CADM1: variants seen among roughly 807,000 people sequenced by gnomAD.
CADM1 encodes cell adhesion molecule 1.
In CADM1, 15 loss-of-function variants were observed where a neutral mutation model predicts 53.1. That is an observed-to-expected ratio of 0.28 (90% CI 0.19 to 0.44). The LOEUF (loss-of-function observed/expected upper bound fraction) is 0.44, where lower values mean the gene tolerates loss of function less well. Ranked by LOEUF, CADM1 falls within the 20% of genes least tolerant of loss-of-function variation. The pLI is 1.00. For synonymous variants in CADM1, 281 were observed against 243.0 expected, an observed-to-expected ratio of 1.16 and a Z score of -1.45; for missense variants, 434 against 611.3, an observed-to-expected ratio of 0.71 and a Z score of 3.06.
chr11:115,341,249 C>T (rs543598879), intron 1 of CADM1, among the ~76,000 whole-genome samples: 4 of 152,114 alleles, frequency 2.6e-5, no homozygotes, highest in South Asian at 2.1e-4. Flanking sequence ...TTTCTGTTGC[C>T]GGCACTAAGT....
At chr11:115,248,804 G>A (rs1002707107) in intron 1 of CADM1, among the ~76,000 whole-genome samples, 6 of 152,126 alleles carry the variant, frequency 3.9e-5, no homozygotes, top group Non-Finnish European at 5.9e-5. Flanking sequence ...GAAAAAAATC[G>A]AGCCCCCAAA....
chr11:115,231,072 T>C (rs555928358), intron 4 of CADM1, among the ~76,000 whole-genome samples: 1 of 152,338 alleles, frequency 6.6e-6, no homozygotes, highest in East Asian at 1.9e-4. Context: ...AAATTTTTCC[T>C]AGCCTAAAGA....
In CADM1 at chr11:115,175,108, A is replaced by G. The variant is rs1356536253; in HGVS notation, c.*1366T>C. 6.1e-6 allele frequency: 6 copies of G among 985,638 alleles called. No homozygotes were observed. The highest frequency in any genetic ancestry group is 7.2e-6 in the Non-Finnish European group (6 of 829,934). The allele number at this position is 985,638 out of a possible 1,614,324, so 61.1% of individuals were successfully genotyped here. On this transcript the variant is annotated 3_prime_UTR_variant, in exon 12 of 12. Transcript: ENST00000331581. Reference sequence around the variant, plus strand: ...GTATGAAAGGTAAAAAGATAAAAACACTCACATTTGAGTTTTGATTAAGTA... The same window carrying G: ...GTATGAAAGGTAAAAAGATAAAAACGCTCACATTTGAGTTTTGATTAAGTA...
chr11:115,475,476 C>T (rs1224529854), intron 1 of CADM1, among the ~76,000 whole-genome samples: 1 of 152,152 alleles, frequency 6.6e-6, no homozygotes, highest in Non-Finnish European at 1.5e-5. Flanking sequence ...CACCCAGATA[C>T]ATAGCCACAT....
At chr11:115,205,136 G>T (rs1350024270) in intron 8 of CADM1, among the ~76,000 whole-genome samples, 1 of 152,042 alleles carries the variant, frequency 6.6e-6, no homozygotes, top group African/African-American at 2.4e-5. Context: ...CCTCCAGGTT[G>T]AACTCCTCCC....
chr11:115,205,025 G>A (rs1940611204), intron 8 of CADM1, among the ~76,000 whole-genome samples: 1 of 152,110 alleles, frequency 6.6e-6, no homozygotes, highest in Non-Finnish European at 1.5e-5. Flanking sequence ...CTTATGAAAG[G>A]ATTTTTTAAT....
At chr11:115,381,659 A>G (rs1002806997) in intron 1 of CADM1, among the ~76,000 whole-genome samples, 1 of 152,166 alleles carries the variant, frequency 6.6e-6, no homozygotes, top group Non-Finnish European at 1.5e-5. Flanking sequence ...AAGAGAAACC[A>G]TATGTAAACT....
In CADM1 at chr11:115,176,237, G is replaced by A. The variant is rs182085717; in HGVS notation, c.*237C>T. 71 of 1,271,554 alleles carry A rather than the reference G, an allele frequency of 5.6e-5. No homozygotes were observed. The African/African-American group carries it at 9.0e-4, about 16-fold the overall frequency. The allele number at this position is 1,271,554 out of a possible 1,614,324, so 78.8% of individuals were successfully genotyped here. A position where few individuals can be genotyped will look rare whatever the true frequency, so the allele number is the denominator to read the frequency against. On this transcript the variant is annotated 3_prime_UTR_variant, in exon 12 of 12. Transcript: ENST00000331581. ...CCAAGTATCCAAGTTTGACTTGGTA[G>A]GAAGAAATAAAAATTAAACAAACAA...
At chr11:115,256,942 T>C in intron 1 of CADM1, 2 of 455,396 alleles carry the variant, frequency 4.4e-6, no homozygotes, top group Non-Finnish European at 8.8e-6. Flanking sequence ...TTTTGGTCTC[T>C]TAAAAAAGTC....
At chr11:115,227,389 G>T (rs1382508785) in intron 5 of CADM1, among the ~76,000 whole-genome samples, 2 of 152,086 alleles carry the variant, frequency 1.3e-5, no homozygotes, top group South Asian at 2.1e-4. Context: ...TTGGTAGGTG[G>T]GTGGGACTAT....
chr11:115,501,850 C>T (rs529780807), intron 1 of CADM1, among the ~76,000 whole-genome samples: 1 of 152,220 alleles, frequency 6.6e-6, no homozygotes, highest in Admixed American at 6.5e-5. Context: ...GAAATTTACC[C>T]CTGGGGTATG....
In CADM1 at chr11:115,173,630, T is replaced by G; in HGVS notation, c.*2844A>C. The G allele has an allele frequency of 3.2e-6, 1 of 313,248 alleles. No homozygotes were observed. Among genetic ancestry groups the G allele is most frequent in the South Asian group, 1.3e-4 (1 of 7,528 alleles). The allele number at this position is 313,248 out of a possible 1,614,324, so 19.4% of individuals were successfully genotyped here. A position where few individuals can be genotyped will look rare whatever the true frequency, so the allele number is the denominator to read the frequency against. ...TCCATAAAGAGATTAAAGGATCACT[T>G]TGTAACATTAATTTTTTTTTATTAA... On this transcript the variant is annotated 3_prime_UTR_variant, in exon 12 of 12. Coordinates refer to ENST00000331581, the MANE Select transcript of CADM1 (RefSeq NM_001301043.2).
chr11:115,248,674 G>A (rs909913815), intron 1 of CADM1, among the ~76,000 whole-genome samples: 7 of 152,160 alleles, frequency 4.6e-5, no homozygotes, highest in African/African-American at 1.7e-4. Context: ...TTCATAGCTG[G>A]ATAGGTTGCA....
At chr11:115,338,892 A>ATTTTTTTTTTTTTTTTT in intron 1 of CADM1, among the ~76,000 whole-genome samples, 1 of 132,734 alleles carries the variant, frequency 7.5e-6, no homozygotes, top group Non-Finnish European at 1.6e-5. Flanking sequence ...TTTTTTTTTA[A>ATTTTTTTTTTTTTTTTT]TTTTTTTTTT....
At chr11:115,438,205 C>T (rs1452784444) in intron 1 of CADM1, among the ~76,000 whole-genome samples, 1 of 152,110 alleles carries the variant, frequency 6.6e-6, no homozygotes, top group Non-Finnish European at 1.5e-5. Flanking sequence ...TATATCTGTG[C>T]CTTTAGTTCA....
At chr11:115,389,308 G>A (rs1946776539) in intron 1 of CADM1, among the ~76,000 whole-genome samples, 1 of 152,078 alleles carries the variant, frequency 6.6e-6, no homozygotes, top group Non-Finnish European at 1.5e-5. Flanking sequence ...AACAACAACA[G>A]ACAAACAAAA....
At chr11:115,458,952 C>T (rs373379590) in intron 1 of CADM1, among the ~76,000 whole-genome samples, 6 of 152,122 alleles carry the variant, frequency 3.9e-5, no homozygotes, top group African/African-American at 9.7e-5. Flanking sequence ...TTGCATACAA[C>T]GCATAGCAAG....
At chr11:115,351,971 C>G (rs1565381434) in intron 1 of CADM1, among the ~76,000 whole-genome samples, 1 of 152,188 alleles carries the variant, frequency 6.6e-6, no homozygotes, top group African/African-American at 2.4e-5. Context: ...GTCAGAGAAG[C>G]TAATTGAACA....
At chr11:115,461,436 A>C (rs1458583081) in intron 1 of CADM1, among the ~76,000 whole-genome samples, 1 of 152,226 alleles carries the variant, frequency 6.6e-6, no homozygotes, top group Admixed American at 6.5e-5. Context: ...TGAGCAGCTA[A>C]CGGGGAATGG....
Sources: gnomAD v4.1 joint callset for allele counts (sites outside exome capture counted in the v4.1 genomes callset) on GRCh38, gnomAD v4.1.1 for gene constraint, MANE v1.5 for transcripts, NCBI Gene and HGNC (gene_info 2026-07-23, HGNC 2026-07-21) for gene names.